UBE2G2: variants seen among roughly 807,000 people sequenced by gnomAD.
The protein encoded by UBE2G2 is ubiquitin conjugating enzyme E2 G2, also known as ubiquitin-conjugating enzyme E2 G2.
UBE2G2 carries 10 observed loss-of-function variants against 23.0 expected under a neutral mutation model. The observed-to-expected ratio is 0.43, with a 90% confidence interval of 0.27 to 0.74. UBE2G2 has a LOEUF of 0.74. Among genes scored for constraint, UBE2G2 ranks in the 30% least tolerant of loss-of-function variants. UBE2G2 has a pLI of 0.19. For synonymous variants in UBE2G2, 86 were observed against 81.3 expected (o/e 1.06, Z -0.31); for missense variants, 150 against 218.3 (o/e 0.69, Z 1.97).
chr21:44,798,973 T>C (rs967586008), intron 1 of UBE2G2, among the ~76,000 whole-genome samples: 5 of 152,238 alleles, frequency 3.3e-5, no homozygotes, highest in Non-Finnish European at 5.9e-5. Context: ...GGCTGCAGAA[T>C]TGGTGTTGTG....
At chr21:44,776,553 T>C (rs1251348684) in intron 4 of UBE2G2, among the ~76,000 whole-genome samples, 1 of 152,232 alleles carries the variant, frequency 6.6e-6, no homozygotes, top group Non-Finnish European at 1.5e-5. Flanking sequence ...ACATATATGA[T>C]ATAGTTTGGG....
In UBE2G2 at chr21:44,769,075, A is replaced by G. The variant is rs2082850734; in HGVS notation, c.*2302T>C. ...GGAAAACACAGAACTTTATTTCAACAGTCATTAGGTTCCACCACACAACAG... is the reference window on the plus strand; with the variant it reads ...GGAAAACACAGAACTTTATTTCAACGGTCATTAGGTTCCACCACACAACAG... On this transcript the variant is annotated 3_prime_UTR_variant, in exon 6 of 6. Coordinates refer to ENST00000345496, the MANE Select transcript of UBE2G2 (RefSeq NM_003343.6). 6.6e-6 allele frequency: 1 copy of G among 152,226 alleles called. No homozygotes were observed. The highest frequency in any genetic ancestry group is 6.5e-5 in the Admixed American group (1 of 15,284). The allele number at this position is 152,226 out of a possible 1,614,324, so 9.4% of individuals were successfully genotyped here. A position where few individuals can be genotyped will look rare whatever the true frequency, so the allele number is the denominator to read the frequency against.
At chr21:44,795,121 G>A (rs184077660) in intron 1 of UBE2G2, among the ~76,000 whole-genome samples, 297 of 152,144 alleles carry the variant, frequency 2.0e-3, no homozygotes, top group African/African-American at 6.9e-3. Flanking sequence ...AAATTAGCCA[G>A]GTGTGGTGGC....
intron 3 of UBE2G2, 90 bp downstream of exon 3, chr21:44,787,830 T>C: frequency 2.1e-6 from 3 of 1,455,834 alleles, no homozygotes; most frequent in Non-Finnish European, 1.9e-6. Flanking sequence ...TTCCAGCTGA[T>C]GCTTTTGGAC....
chr21:44,776,335 A>G lies in UBE2G2; in HGVS notation c.244+964T>C, dbSNP rs919314017. On this transcript the variant is annotated intron_variant, in intron 4 of 5. Transcript: ENST00000345496. ...TTTAGGGCAAAAAAAGATTTACAAA[A>G]AGGAAAAAAAATTTCAATCTGAAAA... Among the ~76,000 whole-genome samples, 3 of 152,248 alleles carry G rather than the reference A, an allele frequency of 2.0e-5. No individual in the cohort carries two copies. In the South Asian group the frequency reaches 6.2e-4, roughly 31 times the overall value.
chr21:44,781,570 C>T (rs1187628758), intron 3 of UBE2G2, among the ~76,000 whole-genome samples: 1 of 152,186 alleles, frequency 6.6e-6, no homozygotes, highest in African/African-American at 2.4e-5. Context: ...ATCCCAATAC[C>T]CTCGTAGCAA....
intron 1 of UBE2G2, among the ~76,000 whole-genome samples, chr21:44,794,260 C>T (rs2083067815): frequency 6.6e-6 from 1 of 152,104 alleles, no homozygotes; most frequent in African/African-American, 2.4e-5. Context: ...GTAGAGCAGC[C>T]CTAGCAAACA....
intron 3 of UBE2G2, among the ~76,000 whole-genome samples, chr21:44,779,461 C>T (rs1330722970): frequency 6.6e-6 from 1 of 151,986 alleles, no homozygotes; most frequent in Admixed American, 6.6e-5. Flanking sequence ...TGAGCTCTTG[C>T]TACTGGTACA....
chr21:44,784,959 C>CAG (rs1555961786), intron 3 of UBE2G2, among the ~76,000 whole-genome samples: 1 of 152,184 alleles, frequency 6.6e-6, no homozygotes, highest in East Asian at 1.9e-4. Flanking sequence ...TGGGGATGAA[C>CAG]AGCTGTCTAG....
chr21:44,774,749 C>A (rs1404503343), intron 4 of UBE2G2: 2 of 455,692 alleles, frequency 4.4e-6, no homozygotes, highest in Non-Finnish European at 8.8e-6. Flanking sequence ...CACCTAAGAT[C>A]CACATCCACA....
rs1251866250 is a variant in UBE2G2 at position 44,788,046 on chromosome 21, C to A, written c.79+14G>T. The A allele has an allele frequency of 8.1e-6, 13 of 1,611,800 alleles. No homozygotes were observed. The highest frequency in any genetic ancestry group is 7.6e-6 in the Non-Finnish European group (9 of 1,179,178). On this transcript the variant is annotated intron_variant, in intron 2 of 5. Coordinates refer to ENST00000345496, the MANE Select transcript of UBE2G2 (RefSeq NM_003343.6). ...TAAAAGTAAATTATAAGGAAGTTAACTTTGGTACCTTACCTGCTACAATTC... is the reference window on the plus strand; with the variant it reads ...TAAAAGTAAATTATAAGGAAGTTAAATTTGGTACCTTACCTGCTACAATTC...
At chr21:44,785,114 G>T (rs1014084860) in intron 3 of UBE2G2, among the ~76,000 whole-genome samples, 1 of 152,208 alleles carries the variant, frequency 6.6e-6, no homozygotes, top group Non-Finnish European at 1.5e-5. Flanking sequence ...CATCTGTCTA[G>T]AAGATGCTGA....
chr21:44,790,291 A>C (rs1450424755), intron 1 of UBE2G2, among the ~76,000 whole-genome samples: 1 of 152,208 alleles, frequency 6.6e-6, no homozygotes, highest in Non-Finnish European at 1.5e-5. Context: ...AAGAAGTTTG[A>C]CCATTTCCAC....
chr21:44,779,282 A>G (rs1417346671), intron 3 of UBE2G2: 5 of 390,510 alleles, frequency 1.3e-5, no homozygotes, highest in Non-Finnish European at 2.5e-5. Flanking sequence ...TTTTCAATCT[A>G]AAAGACAAAT....
chr21:44,780,209 TGAAACTGG>T (rs1372577827), intron 3 of UBE2G2, among the ~76,000 whole-genome samples: 1 of 152,258 alleles, frequency 6.6e-6, no homozygotes, highest in East Asian at 1.9e-4. Flanking sequence ...ACTACTGGTT[TGAAACTGG>T]GATTTCTTTC....
At chr21:44,773,348 C>A (rs2082888405) in intron 5 of UBE2G2, among the ~76,000 whole-genome samples, 199 bp downstream of exon 5, 1 of 152,212 alleles carries the variant, frequency 6.6e-6, no homozygotes, top group Non-Finnish European at 1.5e-5. Context: ...GCCGACAATA[C>A]AATATACAAC....
intron 4 of UBE2G2, among the ~76,000 whole-genome samples, chr21:44,776,356 GA>G (rs1223143440): frequency 1.3e-5 from 2 of 151,784 alleles, no homozygotes; most frequent in African/African-American, 2.4e-5. Context: ...ATTTCAATCT[GA>G]AAAAAGAATC....
rs2082892445 is a variant in UBE2G2 at position 44,773,813 on chromosome 21, T to C, written c.245-126A>G. The stretch of plus-strand genomic sequence containing the variant: ...ACAGCAACCAAGCTGTTTGCACAGC[T>C]GGGGCATAGCCTGGGGCCCTGAGTG... On this transcript the variant is annotated intron_variant, in intron 4 of 5. Coordinates refer to ENST00000345496, the MANE Select transcript of UBE2G2 (RefSeq NM_003343.6). 2.2e-6 allele frequency: 3 copies of C among 1,339,016 alleles called. No individual in the cohort carries two copies. The East Asian group carries it at 7.5e-5, about 34-fold the overall frequency. The allele number at this position is 1,339,016 out of a possible 1,614,324, so 82.9% of individuals were successfully genotyped here. A position where few individuals can be genotyped will look rare whatever the true frequency, so the allele number is the denominator to read the frequency against.
chr21:44,773,308 C>T (rs1231920612), intron 5 of UBE2G2, among the ~76,000 whole-genome samples: 6 of 152,138 alleles, frequency 3.9e-5, no homozygotes, highest in African/African-American at 1.4e-4. Context: ...GGGAAAAAGA[C>T]GATCAAGGAC....
Sources: gnomAD v4.1 joint callset for allele counts (sites outside exome capture counted in the v4.1 genomes callset) on GRCh38, gnomAD v4.1.1 for gene constraint, MANE v1.5 for transcripts, NCBI Gene and HGNC (gene_info 2026-07-23, HGNC 2026-07-21) for gene names.